SORCS1: variants seen among roughly 807,000 people sequenced by gnomAD.
The protein encoded by SORCS1 is sortilin related VPS10 domain containing receptor 1, also known as VPS10 domain-containing receptor SorCS1.
A neutral mutation model predicts 146.1 loss-of-function variants in SORCS1; 60 were observed. That is an observed-to-expected ratio of 0.41 (90% CI 0.33 to 0.51). SORCS1 has a LOEUF of 0.51. Among genes scored for constraint, SORCS1 ranks in the 20% least tolerant of loss-of-function variants. SORCS1 has a pLI of 0.21. For missense variants in SORCS1, 1,352 were observed against 1,487.6 expected (o/e 0.91, Z 1.50); for synonymous variants, 637 against 584.0 (o/e 1.09, Z -1.31).
chr10:106,769,620 G>A (rs1254687300), intron 4 of SORCS1, among the ~76,000 whole-genome samples: 2 of 152,148 alleles, frequency 1.3e-5, no homozygotes, highest in African/African-American at 4.8e-5. Flanking sequence ...GACTGGTAGA[G>A]AGAGAAAGAA....
rs545043935 is a variant in SORCS1, at chr10:106,722,680, G to A, written c.1024+7370C>T. The stretch of plus-strand genomic sequence containing the variant: ...TGTCCCCTGTCCCCTGTTCCTGCTG[G>A]CACAGATCACCACCAGTACAGAAAC... On this transcript the variant is annotated intron_variant, in intron 6 of 25. Transcript: ENST00000263054. Among the ~76,000 whole-genome samples, 6 of 152,222 alleles carry A rather than the reference G, an allele frequency of 3.9e-5. No homozygotes were observed. In the East Asian group the frequency reaches 1.2e-3, roughly 29 times the overall value.
chr10:106,679,604 C>T, intron 11 of SORCS1, 28 bp downstream of exon 11: 1 of 1,559,914 alleles, frequency 6.4e-7, no homozygotes, highest in South Asian at 1.1e-5. Flanking sequence ...CTATTTACCA[C>T]AGCCAGCAAA....
chr10:106,622,629 T>C (rs939722875), intron 19 of SORCS1, among the ~76,000 whole-genome samples: 1 of 152,230 alleles, frequency 6.6e-6, no homozygotes, highest in Non-Finnish European at 1.5e-5. Flanking sequence ...CAGTTGATTA[T>C]AAGCCAGAGC....
In SORCS1 at chr10:106,667,588, G is replaced by A. The variant is rs1851260574; in HGVS notation, c.2303+101C>T. On this transcript the variant is annotated intron_variant, in intron 17 of 25. Coordinates refer to ENST00000263054, the MANE Select transcript of SORCS1 (RefSeq NM_052918.5). ...AAAAGCAATTACATTGTGCTGTAAG[G>A]AAATATGCTTGGTCCTTGATCAGAA... 14 of 775,112 alleles carry A rather than the reference G, an allele frequency of 1.8e-5. No individual in the cohort carries two copies. The South Asian group carries it at 2.0e-4, about 11-fold the overall frequency. The allele number at this position is 775,112 out of a possible 1,614,324, so 48.0% of individuals were successfully genotyped here.
intron 4 of SORCS1, among the ~76,000 whole-genome samples, chr10:106,770,008 G>A (rs999092471): frequency 3.9e-5 from 6 of 152,090 alleles, no homozygotes; most frequent in Non-Finnish European, 2.9e-5. Context: ...CAGGAGAATC[G>A]CTGGAACCCA....
chr10:106,706,693 A>T, intron 7 of SORCS1, 59 bp from the exon 8 acceptor site: 1 of 1,492,826 alleles, frequency 6.7e-7, no homozygotes, highest in Non-Finnish European at 9.3e-7. Flanking sequence ...CACAGGTCAC[A>T]GAACAGTCAC....
At chr10:107,009,025 T>G (rs1283553707) in intron 1 of SORCS1, among the ~76,000 whole-genome samples, 4 of 152,206 alleles carry the variant, frequency 2.6e-5, no homozygotes, top group Non-Finnish European at 4.4e-5. Flanking sequence ...CAAATGGTTA[T>G]TATAACTCTC....
At chr10:106,678,750 A>G (rs1380260611) in intron 12 of SORCS1, among the ~76,000 whole-genome samples, 2 of 152,158 alleles carry the variant, frequency 1.3e-5, no homozygotes, top group Non-Finnish European at 2.9e-5. Context: ...TCTCTAACAT[A>G]TGCATCCTGA....
At chr10:106,616,832 C>T (rs1283654574) in intron 21 of SORCS1, among the ~76,000 whole-genome samples, 1 of 152,172 alleles carries the variant, frequency 6.6e-6, no homozygotes, top group Non-Finnish European at 1.5e-5. Flanking sequence ...TTAACAGAAC[C>T]TGACTCCTCA....
At chr10:106,679,766 C>T in intron 10 of SORCS1, 32 bp from the exon 11 acceptor site, 1 of 1,517,386 alleles carries the variant, frequency 6.6e-7, no homozygotes, top group Non-Finnish European at 9.1e-7. Flanking sequence ...GCCACAAAAT[C>T]ACATAATCAA....
chr10:106,733,107 C>CAAAAAAAAAA (rs1350500252), intron 5 of SORCS1, among the ~76,000 whole-genome samples: 6 of 111,192 alleles, frequency 5.4e-5, no homozygotes, highest in Non-Finnish European at 7.5e-5. Context: ...TACTCCATTT[C>CAAAAAAAAAA]AAAAAAAAGA....
At chr10:106,952,089 T>A (rs1226270026) in intron 2 of SORCS1, among the ~76,000 whole-genome samples, 3 of 152,176 alleles carry the variant, frequency 2.0e-5, no homozygotes, top group Non-Finnish European at 4.4e-5. Context: ...CCTTCCCTAG[T>A]TCCTGTTTTC....
intron 6 of SORCS1, 102 bp from the exon 7 acceptor site, chr10:106,709,443 ATTTTTTT>A (rs66987312): frequency 1.3e-4 from 30 of 234,206 alleles, no homozygotes; most frequent in East Asian, 3.4e-4. Flanking sequence ...ACCATTTCCA[ATTTTTTT>A]TTTTTTTTTT....
chr10:107,165,971 G>C (rs1336290047), upstream of SORCS1, among the ~76,000 whole-genome samples: 1 of 152,212 alleles, frequency 6.6e-6, no homozygotes, highest in Non-Finnish European at 1.5e-5. This position sits in a 1 kb window ranked among gnomAD's most constrained non-coding sequence, Gnocchi z 4.0. Flanking sequence ...ATTTATAGCA[G>C]GTGAATGGGC....
chr10:106,858,331 T>C (rs1433367631), intron 2 of SORCS1, among the ~76,000 whole-genome samples: 1 of 151,946 alleles, frequency 6.6e-6, no homozygotes, highest in African/African-American at 2.4e-5. Flanking sequence ...GAAATTTGGG[T>C]GCATTTGGCT....
At chr10:106,601,603 T>A (rs1846244093) in intron 23 of SORCS1, among the ~76,000 whole-genome samples, 1 of 152,200 alleles carries the variant, frequency 6.6e-6, no homozygotes, top group Admixed American at 6.5e-5. Flanking sequence ...GAAGATTGAA[T>A]GCAGCACTCA....
At chr10:106,813,514 G>T (rs992219429) in intron 3 of SORCS1, among the ~76,000 whole-genome samples, 3 of 152,176 alleles carry the variant, frequency 2.0e-5, no homozygotes, top group African/African-American at 7.2e-5. Context: ...TGAGTAAAGA[G>T]AGGCAGCTGT....
intron 21 of SORCS1, 122 bp from the exon 22 acceptor site, chr10:106,612,145 T>C (rs1361567100): frequency 4.4e-6 from 3 of 676,464 alleles, no homozygotes; most frequent in African/African-American, 3.6e-5. Context: ...GGGACCTTTT[T>C]AGAAGGCAAG....
At chr10:106,906,105 G>T (rs933840743) in intron 2 of SORCS1, among the ~76,000 whole-genome samples, 2 of 152,148 alleles carry the variant, frequency 1.3e-5, no homozygotes, top group Non-Finnish European at 2.9e-5. Flanking sequence ...AAGAAAAAGA[G>T]AAAAAGAGGT....
Sources: allele counts gnomAD v4.1 joint callset (sites outside exome capture counted in the v4.1 genomes callset), GRCh38; gene constraint gnomAD v4.1.1; non-coding constraint Gnocchi (gnomAD v3.1); transcripts MANE v1.5; gene names NCBI Gene and HGNC (gene_info 2026-07-23, HGNC 2026-07-21).